Variants in SPATA6 observed in about 807,000 individuals in gnomAD.
SPATA6 encodes the protein spermatogenesis associated 6, also known as spermatogenesis-associated protein 6.
A neutral mutation model predicts 65.3 loss-of-function variants in SPATA6; 56 were observed. That is an observed-to-expected ratio of 0.86 (90% CI 0.69 to 1.07). The LOEUF (loss-of-function observed/expected upper bound fraction) is 1.07. SPATA6 is among the 50% of genes least tolerant of loss of function. The pLI is 0.00. For missense variants in SPATA6, 590 were observed against 594.8 expected, an observed-to-expected ratio of 0.99 and a Z score of 0.08; for synonymous variants, 199 against 213.2, an observed-to-expected ratio of 0.93 and a Z score of 0.58.
chr1:48,299,464 A>G (rs1644878901), intron 12 of SPATA6, among the ~76,000 whole-genome samples: 1 of 140,136 alleles, frequency 7.1e-6, no homozygotes. Flanking sequence ...CAGTGAGCTG[A>G]GATCACGCCA....
At chr1:48,445,201 C>G (rs1322620635) in intron 3 of SPATA6, among the ~76,000 whole-genome samples, 3 of 152,120 alleles carry the variant, frequency 2.0e-5, no homozygotes, top group Non-Finnish European at 4.4e-5. Context: ...TTTGGCTTGA[C>G]TTTATATTTT....
chr1:48,313,834 A>C (rs1461892480), intron 11 of SPATA6, among the ~76,000 whole-genome samples: 1 of 152,210 alleles, frequency 6.6e-6, no homozygotes, highest in Non-Finnish European at 1.5e-5. Context: ...GGCTCAAAAT[A>C]AAGGGATGGA....
intron 1 of SPATA6, among the ~76,000 whole-genome samples, chr1:48,458,881 T>C (rs1557733936): frequency 6.6e-6 from 1 of 152,146 alleles, no homozygotes; most frequent in Non-Finnish European, 1.5e-5. Flanking sequence ...TTTGTGAATA[T>C]ACTAAAATTT....
the SPATA6 span, among the ~76,000 whole-genome samples, chr1:48,270,725 G>GA: frequency 1.5e-3 from 206 of 136,074 alleles, no homozygotes; most frequent in African/African-American, 2.6e-3. Flanking sequence ...AGAAGAAGAG[G>GA]AAAAAAAAAA....
intron 9 of SPATA6, 54 bp from the exon 10 acceptor site, chr1:48,359,824 TAAC>T: frequency 1.5e-6 from 2 of 1,362,748 alleles, no homozygotes; most frequent in African/African-American, 1.5e-5. Flanking sequence ...CATATGTATA[TAAC>T]ATATTATATA....
At chr1:48,341,752 T>G (rs1646221753) in intron 11 of SPATA6, among the ~76,000 whole-genome samples, 1 of 152,196 alleles carries the variant, frequency 6.6e-6, no homozygotes, top group African/African-American at 2.4e-5. Context: ...CTAGTTTTGC[T>G]GTCACACTTC....
intron 6 of SPATA6, among the ~76,000 whole-genome samples, chr1:48,402,386 G>A (rs1337968171): frequency 2.0e-5 from 3 of 151,972 alleles, no homozygotes; most frequent in African/African-American, 4.8e-5. Flanking sequence ...ATACTCCAGC[G>A]TGAAGAAAAA....
rs530612928 is a variant in SPATA6, at chr1:48,324,144, G to C, written c.1195-18266C>G. 2.6e-5 allele frequency among the ~76,000 whole-genome samples: 4 copies of C among 152,050 alleles called. No individual in the cohort carries two copies. In the South Asian group the frequency reaches 8.3e-4, roughly 32 times the overall value. On this transcript the variant is annotated intron_variant, in intron 11 of 12. Coordinates refer to ENST00000371847, the MANE Select transcript of SPATA6 (RefSeq NM_019073.4). ...TATTATTATTATTATTATTTGTAGA[G>C]ACAAGGTCTCACCATGTTGCCCAAG...
intron 12 of SPATA6, among the ~76,000 whole-genome samples, chr1:48,305,487 T>C (rs1380409959): frequency 6.6e-6 from 1 of 152,074 alleles, no homozygotes; most frequent in African/African-American, 2.4e-5. Flanking sequence ...AAAAGGTTGG[T>C]TCATGGTGTA....
the SPATA6 span, among the ~76,000 whole-genome samples, chr1:48,261,927 C>T: frequency 6.6e-6 from 1 of 152,054 alleles, no homozygotes; most frequent in East Asian, 1.9e-4. Context: ...AAAACTCTAA[C>T]TTACCAGAGT....
At chr1:48,467,073 C>T (rs902209018) in intron 1 of SPATA6, among the ~76,000 whole-genome samples, 1 of 152,034 alleles carries the variant, frequency 6.6e-6, no homozygotes, top group Non-Finnish European at 1.5e-5. Context: ...AAATATAATT[C>T]TTTTGATGCT....
chr1:48,332,986 T>C (rs1645958257), intron 11 of SPATA6, among the ~76,000 whole-genome samples: 1 of 152,162 alleles, frequency 6.6e-6, no homozygotes. Flanking sequence ...AGGTTAATTA[T>C]CAAATTAAGG....
chr1:48,305,686 AATT>A (rs1319984018), intron 12 of SPATA6, 98 bp downstream of exon 12: 2 of 822,806 alleles, frequency 2.4e-6, no homozygotes, highest in Non-Finnish European at 3.6e-6. Flanking sequence ...AATAAATACT[AATT>A]ATCCTTTTGA....
intron 11 of SPATA6, among the ~76,000 whole-genome samples, chr1:48,318,604 A>G (rs1557554763): frequency 6.6e-6 from 1 of 152,174 alleles, no homozygotes; most frequent in Non-Finnish European, 1.5e-5. Flanking sequence ...TATAAAACAT[A>G]TTTCATATAA....
intron 9 of SPATA6, among the ~76,000 whole-genome samples, chr1:48,366,284 G>C (rs1647008572): frequency 6.6e-6 from 1 of 152,062 alleles, no homozygotes; most frequent in Admixed American, 6.6e-5. Context: ...GCCCGGCTTT[G>C]GTATCAGGAT....
chr1:48,281,481 CAA>C, the SPATA6 span, among the ~76,000 whole-genome samples: 4 of 152,182 alleles, frequency 2.6e-5, no homozygotes. Context: ...GCAATTTCAG[CAA>C]AGTCTCAGGA....
chr1:48,372,226 A>G (rs1350003552), intron 9 of SPATA6, among the ~76,000 whole-genome samples: 1 of 152,186 alleles, frequency 6.6e-6, no homozygotes, highest in African/African-American at 2.4e-5. Flanking sequence ...TGTAAAACCA[A>G]GAACAAGCTA....
chr1:48,395,447 G>T, intron 7 of SPATA6, 93 bp from the exon 8 acceptor site: 2 of 749,228 alleles, frequency 2.7e-6, no homozygotes, highest in Non-Finnish European at 3.8e-6. Flanking sequence ...AGTACAGAGA[G>T]CATATATAAT....
chr1:48,354,572 T>C (rs1330625382), intron 11 of SPATA6, among the ~76,000 whole-genome samples: 2 of 152,044 alleles, frequency 1.3e-5, no homozygotes, highest in African/African-American at 4.8e-5. Flanking sequence ...GCAACAATAA[T>C]GAACTACTGC....
Sources: allele counts gnomAD v4.1 joint callset (sites outside exome capture counted in the v4.1 genomes callset), GRCh38; gene constraint gnomAD v4.1.1; transcripts MANE v1.5; gene names NCBI Gene and HGNC (gene_info 2026-07-23, HGNC 2026-07-21).